The following FOXN4 variants were observed in gnomAD, a reference collection of about 807,000 sequenced individuals.
FOXN4 encodes the protein forkhead box N4.
FOXN4 carries 12 observed loss-of-function variants against 45.0 expected under a neutral mutation model. The ratio of observed to expected loss-of-function variants is 0.27; its 90% CI spans 0.17 to 0.43. The LOEUF is 0.43. Among genes scored for constraint, FOXN4 ranks in the 20% least tolerant of loss-of-function variants. The pLI, the probability that FOXN4 is intolerant of heterozygous loss-of-function variation, is 1.00. For synonymous variants in FOXN4, 297 were observed against 295.0 expected, an observed-to-expected ratio of 1.01 and a Z score of -0.07; for missense variants, 560 against 694.9, an observed-to-expected ratio of 0.81 and a Z score of 2.18.
chr12:109,302,691 T>C (rs562209217), intron 2 of FOXN4, among the ~76,000 whole-genome samples: 20 of 152,278 alleles, frequency 1.3e-4, no homozygotes, highest in African/African-American at 3.9e-4. Flanking sequence ...CTCCTCTGCG[T>C]TGTCATTTAG....
At chr12:109,301,821 G>A (rs2047871430) in intron 2 of FOXN4, among the ~76,000 whole-genome samples, 1 of 152,240 alleles carries the variant, frequency 6.6e-6, no homozygotes, top group Admixed American at 6.5e-5. Flanking sequence ...CTGACGCCCT[G>A]TGGGCATCTA....
chr12:109,283,780 A>G (rs1026899045), intron 8 of FOXN4, among the ~76,000 whole-genome samples: 2 of 152,126 alleles, frequency 1.3e-5, no homozygotes, highest in Non-Finnish European at 1.5e-5. Context: ...CCGGCCTAAC[A>G]TTTATTTATG....
In FOXN4 at chr12:109,287,335, C is replaced by T; in HGVS notation, c.596+62G>A. The T allele has an allele frequency of 6.5e-7, 1 of 1,542,276 alleles. No individual in the cohort carries two copies. Among genetic ancestry groups the T allele is most frequent in the East Asian group, 2.4e-5 (1 of 40,840 alleles). ...CTAGCTGTCTGAGATGCCCTGAGGGCAGCCTCATCCCTCTCTCCCGGAGCC... is the reference window on the plus strand; with the variant it reads ...CTAGCTGTCTGAGATGCCCTGAGGGTAGCCTCATCCCTCTCTCCCGGAGCC... On this transcript the variant is annotated intron_variant, in intron 6 of 9. Transcript: ENST00000299162. This position sits in a 1 kb window ranked among gnomAD's most constrained non-coding sequence, Gnocchi z 4.1.
At chr12:109,301,528 G>C (rs773639640) in intron 2 of FOXN4, among the ~76,000 whole-genome samples, 1 of 152,108 alleles carries the variant, frequency 6.6e-6, no homozygotes, top group Non-Finnish European at 1.5e-5. Flanking sequence ...CCATCTCCCA[G>C]TTCCTCAAAC....
intron 6 of FOXN4, chr12:109,286,981 CT>C: frequency 9.5e-7 from 1 of 1,057,514 alleles, no homozygotes; most frequent in Non-Finnish European, 1.3e-6. Flanking sequence ...AAATCTTACC[CT>C]TTCCCCTCTT....
At chr12:109,303,198 T>C (rs933006819) in intron 2 of FOXN4, among the ~76,000 whole-genome samples, 1 of 152,040 alleles carries the variant, frequency 6.6e-6, no homozygotes, top group African/African-American at 2.4e-5. Context: ...AGAGGCTACC[T>C]CTCTTCCTTG....
rs1268553590 is a variant in FOXN4, at chr12:109,287,663, AT to A, written c.469-140del. 7.8e-7 allele frequency: 1 copy of A among 1,280,216 alleles called. No individual in the cohort carries two copies. Among genetic ancestry groups the A allele is most frequent in the African/African-American group, 1.5e-5 (1 of 66,308 alleles). 79.3% of individuals were successfully genotyped at this position (1,280,216 alleles called of 1,614,324 possible). A position where few individuals can be genotyped will look rare whatever the true frequency, so the allele number is the denominator to read the frequency against. On this transcript the variant is annotated intron_variant, in intron 5 of 9. Transcript: ENST00000299162. The surrounding 1 kb of genome is among the most constrained non-coding windows in gnomAD (Gnocchi z 4.1). ...GGGATTCACAACCGTCCAGGAAACA[AT>A]CTTGTCTCCACTCAGGGCAGGAGTT...
chr12:109,284,424 G>A (rs1010431754), intron 8 of FOXN4, among the ~76,000 whole-genome samples: 4 of 151,272 alleles, frequency 2.6e-5, no homozygotes, highest in Non-Finnish European at 1.5e-5. Context: ...GAGGAGGGGC[G>A]CGTGGTGTGT....
rs1288844228 is a variant in FOXN4 at position 109,288,688 on chromosome 12, T to C, written c.233-508A>G. ...CCTGCTGCTCCACACAGGATGAGAA[T>C]GGCAGACATACTTCCCCCATCTTGT... On this transcript the variant is annotated intron_variant, in intron 3 of 9. Coordinates refer to ENST00000299162, the MANE Select transcript of FOXN4 (RefSeq NM_213596.3). The surrounding 1 kb of genome is among the most constrained non-coding windows in gnomAD (Gnocchi z 4.3). Among the ~76,000 whole-genome samples the C allele has an allele frequency of 6.6e-6, 1 of 152,216 alleles. No individual in the cohort carries two copies. Among genetic ancestry groups the C allele is most frequent in the Non-Finnish European group, 1.5e-5 (1 of 68,034 alleles).
intron 2 of FOXN4, among the ~76,000 whole-genome samples, chr12:109,304,879 C>T (rs2047907755): frequency 6.6e-6 from 1 of 152,112 alleles, no homozygotes; most frequent in African/African-American, 2.4e-5. Context: ...ATCATAAAAC[C>T]CCCTCTGCAA....
chr12:109,298,533 T>G (rs2047840153), intron 2 of FOXN4, among the ~76,000 whole-genome samples: 1 of 152,052 alleles, frequency 6.6e-6, no homozygotes, highest in African/African-American at 2.4e-5. Flanking sequence ...AGCTAATTTT[T>G]GGCATTTTTA....
At chr12:109,304,632 C>T (rs530075198) in intron 2 of FOXN4, among the ~76,000 whole-genome samples, 2 of 147,082 alleles carry the variant, frequency 1.4e-5, no homozygotes, top group Non-Finnish European at 3.1e-5. Context: ...ACAGGGCAGC[C>T]GCCTCTAGCT....
chr12:109,290,313 C>A lies in FOXN4; in HGVS notation c.87-27G>T. 6.6e-7 allele frequency: 1 copy of A among 1,523,230 alleles called. No homozygotes were observed. The highest frequency in any genetic ancestry group is 8.8e-7 in the Non-Finnish European group (1 of 1,130,426). 94.4% of individuals were successfully genotyped at this position (1,523,230 alleles called of 1,614,324 possible). A position where few individuals can be genotyped will look rare whatever the true frequency, so the allele number is the denominator to read the frequency against. On this transcript the variant is annotated intron_variant, in intron 2 of 9. Coordinates refer to ENST00000299162, the MANE Select transcript of FOXN4 (RefSeq NM_213596.3). The surrounding 1 kb of genome is among the most constrained non-coding windows in gnomAD (Gnocchi z 5.1). Reference sequence around the variant, plus strand: ...TGCAAAGAGGAACAGAGAACTCGGGCGGGAGGGGGAGCTTAGGCCAGCTCC... The same window carrying A: ...TGCAAAGAGGAACAGAGAACTCGGGAGGGAGGGGGAGCTTAGGCCAGCTCC...
At position 109,287,466 on chromosome 12, in the gene FOXN4, G is replaced by C. The variant is rs1204323891; in HGVS notation, c.527C>G (p.Pro176Arg). Reference protein sequence around the residue: ...PFGVRPPYPQPHVAVHSSQEL... With the variant: ...PFGVRPPYPQRHVAVHSSQEL... ...TTGAGATGAATGCACAGCCACGTGG[G>C]GCTGGGGGTAGGGGGGCCGCACCCC... Residue 176 changes from proline to arginine, a missense_variant, in exon 6 of 10, where the codon CCC becomes CGC. Transcript: ENST00000299162. The surrounding 1 kb of genome is among the most constrained non-coding windows in gnomAD (Gnocchi z 4.1). The C allele has an allele frequency of 6.4e-7, 1 of 1,551,122 alleles. No homozygotes were observed. Among genetic ancestry groups the C allele is most frequent in the East Asian group, 2.4e-5 (1 of 40,918 alleles).
intron 2 of FOXN4, among the ~76,000 whole-genome samples, chr12:109,298,344 GT>G (rs71079539): frequency 0.28 from 36,914 of 131,618 alleles, 4,706 homozygotes; most frequent in Admixed American, 0.38. Context: ...TTTTTTTTTT[GT>G]TTTTTTTTTT....
In FOXN4 at chr12:109,293,115, C is replaced by T. The variant is rs950721138; in HGVS notation, c.87-2829G>A. 6.6e-5 allele frequency among the ~76,000 whole-genome samples: 10 copies of T among 152,292 alleles called. No homozygotes were observed. The East Asian group carries it at 1.7e-3, about 27-fold the overall frequency. On this transcript the variant is annotated intron_variant, in intron 2 of 9. Transcript: ENST00000299162. ...CTCCCTCCCCTGCACCCATGCCCAC[C>T]CCTGGAGGCTCACTGCAAAGTCTGA...
chr12:109,289,670 C>G (rs998419000), intron 3 of FOXN4, among the ~76,000 whole-genome samples: 2 of 152,234 alleles, frequency 1.3e-5, no homozygotes, highest in African/African-American at 4.8e-5. Context: ...ACTTTCCACA[C>G]ATTATCTCTT....
chr12:109,307,318 T>C (rs1487137390), intron 2 of FOXN4, among the ~76,000 whole-genome samples: 1 of 152,116 alleles, frequency 6.6e-6, no homozygotes, highest in African/African-American at 2.4e-5. Flanking sequence ...CCTGTCCCCA[T>C]TCCGTAATCT....
Position 109,287,480 on chromosome 12 carries a change from G to A in FOXN4, c.513C>T (p.Pro171=). The A allele has an allele frequency of 5.8e-6, 9 of 1,549,796 alleles. No homozygotes were observed. The highest frequency in any genetic ancestry group is 7.9e-6 in the Non-Finnish European group (9 of 1,146,082). The change falls in exon 6 of 10, where the codon CCC becomes CCT. Residue 171 remains proline (P), a synonymous_variant. Transcript: ENST00000299162. The surrounding 1 kb of genome is among the most constrained non-coding windows in gnomAD (Gnocchi z 4.1). ...CAGCCACGTGGGGCTGGGGGTAGGG[G>A]GGCCGCACCCCAAATGGGGGGCCAT... ...GLYGPPFGVR[P]PYPQPHVAVH... is the part of the protein sequence containing the mutation.
Sources: allele counts gnomAD v4.1 joint callset (sites outside exome capture counted in the v4.1 genomes callset), GRCh38; gene constraint gnomAD v4.1.1; non-coding constraint Gnocchi (gnomAD v3.1); transcripts MANE v1.5; gene names NCBI Gene and HGNC (gene_info 2026-07-23, HGNC 2026-07-21).